TSHZ3: variants seen among roughly 807,000 people sequenced by gnomAD.
TSHZ3 encodes teashirt zinc finger homeobox 3, also known as teashirt homolog 3.
A neutral mutation model predicts 64.5 loss-of-function variants in TSHZ3; 10 were observed. The observed-to-expected ratio is 0.16, with a 90% CI of 0.10 to 0.26. TSHZ3 has a LOEUF of 0.26. Ranked by LOEUF, TSHZ3 falls within the 10% of genes least tolerant of loss-of-function variation. The pLI is 1.00. For synonymous variants in TSHZ3, 608 were observed against 593.1 expected (o/e 1.03, Z -0.36); for missense variants, 1,242 against 1,421.7 (o/e 0.87, Z 2.03).
intron 1 of TSHZ3, among the ~76,000 whole-genome samples, chr19:31,282,770 C>G (rs1311788349): frequency 1.3e-5 from 2 of 152,122 alleles, no homozygotes; most frequent in African/African-American, 2.4e-5. Context: ...TCTCAACCTC[C>G]CTGGTGGAAC....
chr19:31,206,330 T>C (rs946745572), intron 4 of TSHZ3, among the ~76,000 whole-genome samples: 4 of 151,934 alleles, frequency 2.6e-5, no homozygotes, highest in East Asian at 1.9e-4. Flanking sequence ...GATGGATAGA[T>C]GGATGAGAGA....
intron 1 of TSHZ3, among the ~76,000 whole-genome samples, chr19:31,293,781 C>T (rs149113025): frequency 6.6e-6 from 1 of 152,020 alleles, no homozygotes; most frequent in Non-Finnish European, 1.5e-5. Context: ...AGGAGCATTT[C>T]TTACCTCTGT....
chr19:31,278,872 T>C lies in TSHZ3; in HGVS notation c.921A>G (p.Glu307=), dbSNP rs749265079. The change falls in exon 2 of 2, where the codon GAA becomes GAG. Residue 307 remains glutamate, a synonymous_variant. Transcript: ENST00000240587. This position sits in a 1 kb window ranked among gnomAD's most constrained non-coding sequence, Gnocchi z 4.7. ...TTTTGGCGGCGACAGGAGTGACGGG[T>C]TCCTTCAGAGGCACTTTTTGGTAGT... ...TKHYQKVPLK[E]PVTPVAAKII... is the part of the protein sequence containing the mutation. 7.4e-6 allele frequency: 12 copies of C among 1,613,886 alleles called. No homozygotes were observed. In the African/African-American group the frequency reaches 1.6e-4, roughly 22 times the overall value.
At chr19:31,167,060 C>G (rs960418327) in intron 5 of TSHZ3, among the ~76,000 whole-genome samples, 1 of 152,124 alleles carries the variant, frequency 6.6e-6, no homozygotes, top group Admixed American at 6.5e-5. Context: ...TTCCTGATCT[C>G]CTGACCAACA....
At chr19:31,297,893 C>T (rs62102593) in intron 1 of TSHZ3, among the ~76,000 whole-genome samples, 5,586 of 152,244 alleles carry the variant, frequency 0.037, 138 homozygotes, top group Non-Finnish European at 0.059. Context: ...TGCCCTAATG[C>T]GTACTCACAG....
At chr19:31,249,484 GCTGT>G (rs1419065867) in intron 1 of TSHZ3, among the ~76,000 whole-genome samples, 1 of 152,064 alleles carries the variant, frequency 6.6e-6, no homozygotes, top group Non-Finnish European at 1.5e-5. Flanking sequence ...CAGAGTGGCT[GCTGT>G]CTACTTAAAC....
intron 5 of TSHZ3, among the ~76,000 whole-genome samples, chr19:31,161,502 A>G (rs955083006): frequency 6.6e-6 from 1 of 152,218 alleles, no homozygotes; most frequent in African/African-American, 2.4e-5. Flanking sequence ...TTTTAGGGAT[A>G]TGAGTCCCAC....
chr19:31,296,534 C>T (rs1221003121), intron 1 of TSHZ3, among the ~76,000 whole-genome samples: 3 of 152,054 alleles, frequency 2.0e-5, no homozygotes, highest in African/African-American at 7.2e-5. Flanking sequence ...CAGGGTTTCA[C>T]CATGTTAGCC....
At chr19:31,282,050 T>C (rs1306388524) in intron 1 of TSHZ3, among the ~76,000 whole-genome samples, 1 of 152,188 alleles carries the variant, frequency 6.6e-6, no homozygotes, top group African/African-American at 2.4e-5. Context: ...ACCTCTCTTA[T>C]AATCCTCTCG....
intron 5 of TSHZ3, among the ~76,000 whole-genome samples, chr19:31,198,977 T>C (rs1372364937): frequency 6.6e-6 from 1 of 152,062 alleles, no homozygotes; most frequent in African/African-American, 2.4e-5. Flanking sequence ...CAACATAATA[T>C]TGAAAAAGAA....
intron 1 of TSHZ3, among the ~76,000 whole-genome samples, chr19:31,302,972 A>G (rs1032501545): frequency 2.0e-5 from 3 of 152,226 alleles, no homozygotes; most frequent in African/African-American, 7.2e-5. Flanking sequence ...ATGTACATGT[A>G]TGTGTAAACA....
upstream of TSHZ3, chr19:31,349,559 G>A (rs1243629129): frequency 2.1e-5 from 5 of 237,748 alleles, no homozygotes; most frequent in African/African-American, 1.2e-4. Flanking sequence ...TTGACAAATC[G>A]CTCCAGAGGC....
intron 1 of TSHZ3, among the ~76,000 whole-genome samples, chr19:31,250,048 A>C (rs1467416166): frequency 6.6e-6 from 1 of 152,224 alleles, no homozygotes; most frequent in Admixed American, 6.5e-5. Context: ...CCCAGGCTGC[A>C]CGCGCCAGGC....
At chr19:31,171,177 G>A (rs1434063903) in intron 5 of TSHZ3, among the ~76,000 whole-genome samples, 1 of 152,164 alleles carries the variant, frequency 6.6e-6, no homozygotes, top group Non-Finnish European at 1.5e-5. Context: ...CCGCTTGGTA[G>A]CCTTGCCTGG....
At chr19:31,206,131 A>C (rs553316634) in intron 4 of TSHZ3, among the ~76,000 whole-genome samples, 6 of 128,662 alleles carry the variant, frequency 4.7e-5, no homozygotes, top group African/African-American at 1.8e-4. Context: ...ATGGATGGAT[A>C]AATGAATGGA....
intron 1 of TSHZ3, among the ~76,000 whole-genome samples, chr19:31,337,363 T>C (rs1343869633): frequency 1.3e-5 from 2 of 152,214 alleles, no homozygotes; most frequent in Non-Finnish European, 2.9e-5. Flanking sequence ...CAATTATACC[T>C]GAAATGGACT....
chr19:31,160,273 C>T (rs755846798), intron 5 of TSHZ3, among the ~76,000 whole-genome samples: 5 of 152,108 alleles, frequency 3.3e-5, no homozygotes, highest in African/African-American at 7.2e-5. Flanking sequence ...GTGGTGTGCA[C>T]GTGTTAGACA....
At chr19:31,198,534 TA>T in intron 5 of TSHZ3, among the ~76,000 whole-genome samples, 1 of 151,902 alleles carries the variant, frequency 6.6e-6, no homozygotes, top group South Asian at 2.1e-4. Context: ...ATCTAGAAAA[TA>T]AAAAGAAGAA....
At chr19:31,214,802 GGAGGCT>G (rs1975305086) in intron 4 of TSHZ3, among the ~76,000 whole-genome samples, 1 of 151,822 alleles carries the variant, frequency 6.6e-6, no homozygotes, top group Non-Finnish European at 1.5e-5. Context: ...CAGCTACTCG[GGAGGCT>G]GAGGCAGGAG....
Sources: allele counts gnomAD v4.1 joint callset (sites outside exome capture counted in the v4.1 genomes callset), GRCh38; gene constraint gnomAD v4.1.1; non-coding constraint Gnocchi (gnomAD v3.1); transcripts MANE v1.5; gene names NCBI Gene and HGNC (gene_info 2026-07-23, HGNC 2026-07-21).